Variants in NADK2 observed in about 807,000 individuals in gnomAD.
The protein encoded by NADK2 is NAD kinase domain-containing protein 1, mitochondrial.
A neutral mutation model predicts 62.1 loss-of-function variants in NADK2; 35 were observed. The observed-to-expected ratio is 0.56, with a 90% confidence interval of 0.43 to 0.75. The LOEUF is 0.75. NADK2 is among the 30% of genes least tolerant of loss of function. The pLI is 0.00. For missense variants in NADK2, 439 were observed against 561.3 expected (o/e 0.78, Z 2.20); for synonymous variants, 205 against 207.9 (o/e 0.99, Z 0.12).
intron 4 of NADK2, 128 bp from the exon 5 acceptor site, chr5:36,219,807 A>G: frequency 1.5e-6 from 1 of 664,364 alleles, no homozygotes; most frequent in South Asian, 2.2e-5. Context: ...TGTCTACCCT[A>G]TATTCCATTT....
intron 8 of NADK2, among the ~76,000 whole-genome samples, chr5:36,201,770 C>G (rs1283564625): frequency 6.6e-6 from 1 of 151,706 alleles, no homozygotes; most frequent in Non-Finnish European, 1.5e-5. Flanking sequence ...TACTTTTTAA[C>G]CTAGGCAAGT....
chr5:36,225,582 T>C lies in NADK2; in HGVS notation c.520A>G (p.Arg174Gly), dbSNP rs765289722. 1.2e-6 allele frequency: 2 copies of C among 1,613,904 alleles called. No homozygotes were observed. Among genetic ancestry groups the C allele is most frequent in the Non-Finnish European group, 1.7e-6 (2 of 1,179,874 alleles). ...TTTACCCCTATAACTGGTTTAAGTCTGTCCAAGACTTTACTCGCTGCCAGC... is the reference window on the plus strand; with the variant it reads ...TTTACCCCTATAACTGGTTTAAGTCCGTCCAAGACTTTACTCGCTGCCAGC... ...MLLAASKVLD[R>G]LKPVIGVNTD... The change falls in exon 4 of 12, where the codon AGA becomes GGA. Residue 174 changes from arginine (R) to glycine (G), a missense_variant. Physicochemically the swap from Arg to Gly is moderately radical, Grantham distance 125. Coordinates refer to ENST00000381937, the MANE Select transcript of NADK2 (RefSeq NM_001085411.3).
At position 36,195,290 on chromosome 5, in the gene NADK2, G is replaced by A; in HGVS notation, c.1191-8C>T. 2 of 1,598,680 alleles carry A rather than the reference G, an allele frequency of 1.3e-6. No homozygotes were observed. The highest frequency in any genetic ancestry group is 1.7e-6 in the Non-Finnish European group (2 of 1,174,760). ...CGAGAACGAACACAAACCCTAGGCAGAAGGAAATATCTCATTAAATAGTAA... is the reference window on the plus strand; with the variant it reads ...CGAGAACGAACACAAACCCTAGGCAAAAGGAAATATCTCATTAAATAGTAA... On this transcript the variant is annotated splice_polypyrimidine_tract_variant and splice_region_variant and intron_variant, in intron 11 of 11. Coordinates refer to ENST00000381937, the MANE Select transcript of NADK2 (RefSeq NM_001085411.3).
At chr5:36,206,305 T>A (rs1330309747) in intron 8 of NADK2, among the ~76,000 whole-genome samples, 2 of 54,528 alleles carry the variant, frequency 3.7e-5, no homozygotes, top group African/African-American at 5.6e-5. Context: ...TAATTTTTTT[T>A]AAAGTTAAAA....
intron 4 of NADK2, among the ~76,000 whole-genome samples, chr5:36,223,491 G>A (rs1434901804): frequency 6.6e-6 from 1 of 152,118 alleles, no homozygotes; most frequent in African/African-American, 2.4e-5. Context: ...TATTTAGCCA[G>A]TAACCAAATA....
At position 36,241,285 on chromosome 5, in the gene NADK2, CCCTCTCCCCGGCCCTG is replaced by C; in HGVS notation, c.300+198_300+213del. 1 of 961,612 alleles carries C rather than the reference CCCTCTCCCCGGCCCTG, an allele frequency of 1.0e-6. No homozygotes were observed. Among genetic ancestry groups the C allele is most frequent in the Non-Finnish European group, 1.4e-6 (1 of 718,132 alleles). The allele number at this position is 961,612 out of a possible 1,614,324, so 59.6% of individuals were successfully genotyped here. On this transcript the variant is annotated intron_variant, in intron 1 of 11. Coordinates refer to ENST00000381937, the MANE Select transcript of NADK2 (RefSeq NM_001085411.3). This position sits in a 1 kb window ranked among gnomAD's most constrained non-coding sequence, Gnocchi z 4.9. ...CATGAACCACTGTCCCTCTCTCTCC[CCCTCTCCCCGGCCCTG>C]CCTCTCCCTCGCACACACGCCCAAA...
At chr5:36,231,376 G>A (rs1174918640) in intron 1 of NADK2, among the ~76,000 whole-genome samples, 1 of 152,182 alleles carries the variant, frequency 6.6e-6, no homozygotes, top group East Asian at 1.9e-4. Flanking sequence ...AAGCAGAAAT[G>A]TCAGTTCATA....
chr5:36,235,294 T>C lies in NADK2; in HGVS notation c.300+6205A>G, dbSNP rs1196560308. ...TCTATCTTAGTAAAGGAATCTACTT[T>C]GGAGTTAACCAAATCAATGCTATTT... On this transcript the variant is annotated intron_variant, in intron 1 of 11. Coordinates refer to ENST00000381937, the MANE Select transcript of NADK2 (RefSeq NM_001085411.3). Among the ~76,000 whole-genome samples the C allele has an allele frequency of 3.3e-5, 5 of 152,232 alleles. No individual in the cohort carries two copies. In the East Asian group the frequency reaches 9.6e-4, roughly 29 times the overall value.
At position 36,241,768 on chromosome 5, in the gene NADK2, T is replaced by G; in HGVS notation, c.31A>C (p.Ser11Arg). The change falls in exon 1 of 12, where the codon AGC becomes CGC. Residue 11 changes from serine (S) to arginine (R), a missense_variant. Transcript: ENST00000381937. The surrounding 1 kb of genome is among the most constrained non-coding windows in gnomAD (Gnocchi z 4.9). MTCYRGFLLG[S>R]CCRVAGGRAA... Reference sequence around the variant, plus strand: ...CGGCCGCCCGCCACGCGACAACAGCTGCCCAGCAAGAAGCCTCGGTAGCAA... The same window carrying G: ...CGGCCGCCCGCCACGCGACAACAGCGGCCCAGCAAGAAGCCTCGGTAGCAA... 7.5e-7 allele frequency: 1 copy of G among 1,338,462 alleles called. No homozygotes were observed. 82.9% of individuals were successfully genotyped at this position (1,338,462 alleles called of 1,614,324 possible). A position where few individuals can be genotyped will look rare whatever the true frequency, so the allele number is the denominator to read the frequency against.
rs1746611202 is a variant in NADK2, at chr5:36,205,753, G to C, written c.956+1417C>G. 6.6e-6 allele frequency among the ~76,000 whole-genome samples: 1 copy of C among 152,102 alleles called. No homozygotes were observed. Among genetic ancestry groups the C allele is most frequent in the African/African-American group, 2.4e-5 (1 of 41,408 alleles). ...AGTGTGGCGATTCCTCAAGGATCTA[G>C]AACTAGAAATACTATTTGACCCAGC... is the stretch of plus-strand genomic sequence containing the variant. On this transcript the variant is annotated intron_variant, in intron 8 of 11. Coordinates refer to ENST00000381937, the MANE Select transcript of NADK2 (RefSeq NM_001085411.3). The surrounding 1 kb of genome is among the most constrained non-coding windows in gnomAD (Gnocchi z 4.1).
In NADK2 at chr5:36,195,964, T is replaced by C. The variant is rs79931574; in HGVS notation, c.1191-682A>G. ...TGTGAAATTCAGCCATATTAGTACA[T>C]GTAATAGTAATAGTAGTGTGTTCAT... On this transcript the variant is annotated intron_variant, in intron 11 of 11. Transcript: ENST00000381937. Among the ~76,000 whole-genome samples the C allele has an allele frequency of 6.3e-3, 851 of 136,132 alleles. 11 individuals are homozygous for C. Among genetic ancestry groups the C allele is most frequent in the African/African-American group, 0.02 (822 of 41,072 alleles). 89.3% of individuals were successfully genotyped at this position (136,132 alleles called of 152,430 possible).
chr5:36,225,072 T>C lies in NADK2; in HGVS notation c.560+470A>G, dbSNP rs114801101. 7.2e-3 allele frequency among the ~76,000 whole-genome samples: 1,093 copies of C among 152,248 alleles called. 13 individuals carry two copies. The highest frequency in any genetic ancestry group is 0.025 in the African/African-American group (1,054 of 41,556). On this transcript the variant is annotated intron_variant, in intron 4 of 11. Transcript: ENST00000381937. Reference sequence around the variant, plus strand: ...CTGGGTCAAGAACTCAGGTCTATTATGCCACAGATCCTACTCCCAAACTAC... The same window carrying C: ...CTGGGTCAAGAACTCAGGTCTATTACGCCACAGATCCTACTCCCAAACTAC...
At chr5:36,227,612 A>G in intron 1 of NADK2, 47 bp from the exon 2 acceptor site, 2 of 1,026,794 alleles carry the variant, frequency 1.9e-6, no homozygotes, top group Non-Finnish European at 2.7e-6. Flanking sequence ...TATATTACAC[A>G]TGATGTTCTA....
rs1257813593 is a variant in NADK2 at position 36,217,832 on chromosome 5, G to A, written c.697C>T (p.Pro233Ser). ...RLYLEGTGIN[P>S]VPVDLHEQQL... is the part of the protein sequence containing the mutation. ...TGCTCGTGAAGGTCCACAGGTACAG[G>A]GTTTATGCCAGTCCCTTCAAGGTAT... Residue 233 changes from proline (P) to serine (S), a missense_variant, in exon 6 of 12, where the codon CCT becomes TCT. Pro to Ser is a moderately conservative substitution (Grantham distance 74). Transcript: ENST00000381937. The A allele has an allele frequency of 1.2e-6, 2 of 1,613,810 alleles. No homozygotes were observed. Among genetic ancestry groups the A allele is most frequent in the African/African-American group, 1.3e-5 (1 of 74,964 alleles).
chr5:36,232,073 T>C (rs1002556342), intron 1 of NADK2, among the ~76,000 whole-genome samples: 2 of 152,128 alleles, frequency 1.3e-5, no homozygotes, highest in Non-Finnish European at 1.5e-5. Context: ...AGATCATGTC[T>C]CCCCACACAG....
At chr5:36,213,376 C>A (rs745432620) in intron 6 of NADK2, among the ~76,000 whole-genome samples, 1 of 151,968 alleles carries the variant, frequency 6.6e-6, no homozygotes, top group Non-Finnish European at 1.5e-5. Flanking sequence ...CTATTCTTCT[C>A]CTTTGACTTT....
intron 6 of NADK2, among the ~76,000 whole-genome samples, chr5:36,215,519 T>C (rs1747009780): frequency 6.6e-6 from 1 of 152,194 alleles, no homozygotes; most frequent in South Asian, 2.1e-4. Context: ...ATAATCACCC[T>C]ACTATGCTAT....
rs924170304 is a variant in NADK2 at position 36,194,190 on chromosome 5, G to T, written c.*954C>A. ...CTGTAAATCTTGGAATATAAGCTAG[G>T]TGAAAACCACAATACTAAGGAAGGC... On this transcript the variant is annotated 3_prime_UTR_variant, in exon 12 of 12. Transcript: ENST00000381937. 2 of 151,858 alleles carry T rather than the reference G, an allele frequency of 1.3e-5. No individual in the cohort carries two copies. The highest frequency in any genetic ancestry group is 2.9e-5 in the Non-Finnish European group (2 of 68,002). The allele number at this position is 151,858 out of a possible 1,614,324, so 9.4% of individuals were successfully genotyped here.
At chr5:36,231,424 AC>A (rs1747706147) in intron 1 of NADK2, among the ~76,000 whole-genome samples, 1 of 152,212 alleles carries the variant, frequency 6.6e-6, no homozygotes, top group Non-Finnish European at 1.5e-5. Flanking sequence ...TTGTGAACTA[AC>A]TTTCTAATAA....
Sources: allele counts gnomAD v4.1 joint callset (sites outside exome capture counted in the v4.1 genomes callset), GRCh38; gene constraint gnomAD v4.1.1; non-coding constraint Gnocchi (gnomAD v3.1); transcripts MANE v1.5; gene names NCBI Gene and HGNC (gene_info 2026-07-23, HGNC 2026-07-21).